Variants in ACTR3 observed in about 807,000 individuals in gnomAD.
The protein encoded by ACTR3 is actin-related protein 3.
Under a neutral mutation model 56.8 loss-of-function variants are expected in ACTR3, and 12 were observed. The ratio of observed to expected loss-of-function variants is 0.21; its 90% confidence interval spans 0.14 to 0.34. The LOEUF is 0.34. Ranked by LOEUF, ACTR3 falls within the 10% of genes least tolerant of loss-of-function variation. The pLI, the probability that ACTR3 is intolerant of heterozygous loss-of-function variation, is 1.00. For missense variants in ACTR3, 282 were observed against 512.5 expected (o/e 0.55, Z 4.34); for synonymous variants, 162 against 167.4 (o/e 0.97, Z 0.25).
At chr2:113,918,821 GAA>G (rs1427478899) in intron 3 of ACTR3, among the ~76,000 whole-genome samples, 11 of 152,210 alleles carry the variant, frequency 7.2e-5, no homozygotes, top group Non-Finnish European at 2.9e-5. Flanking sequence ...ACAATGAAGA[GAA>G]ATTATTTGGG....
At chr2:113,894,520 A>G (rs1287783906) in intron 1 of ACTR3, among the ~76,000 whole-genome samples, 3 of 152,248 alleles carry the variant, frequency 2.0e-5, no homozygotes, top group Non-Finnish European at 4.4e-5. Context: ...AAGTAAGTAC[A>G]ACAGACATGC....
chr2:113,890,823 G>A, intron 1 of ACTR3: 1 of 990,554 alleles, frequency 1.0e-6, no homozygotes, highest in South Asian at 4.5e-5. Context: ...CCCAGGGTGT[G>A]GGTGGGGAAA....
intron 4 of ACTR3, among the ~76,000 whole-genome samples, chr2:113,930,411 T>C (rs1017609900): frequency 6.6e-6 from 1 of 152,184 alleles, no homozygotes; most frequent in Non-Finnish European, 1.5e-5. Flanking sequence ...GTTTTATCAC[T>C]TTTTCCCTTT....
chr2:113,942,138 G>A (rs566276192), intron 7 of ACTR3, 48 bp from the exon 8 acceptor site: 1 of 1,420,356 alleles, frequency 7.0e-7, no homozygotes, highest in Non-Finnish European at 9.4e-7. Flanking sequence ...CTTCTTTACT[G>A]TTCCTATAAT....
At chr2:113,939,516 T>C (rs1196055534) in intron 6 of ACTR3, among the ~76,000 whole-genome samples, 3 of 152,332 alleles carry the variant, frequency 2.0e-5, no homozygotes, top group Admixed American at 6.5e-5. Context: ...AATTTAGTTA[T>C]TTGGCATTAT....
intron 1 of ACTR3, among the ~76,000 whole-genome samples, chr2:113,896,156 AGTTTT>A: frequency 6.6e-6 from 1 of 152,230 alleles, no homozygotes; most frequent in Admixed American, 6.5e-5. Flanking sequence ...CACCATGCCC[AGTTTT>A]GTTTTGTTTT....
intron 3 of ACTR3, among the ~76,000 whole-genome samples, chr2:113,923,305 C>T (rs7603501): frequency 0.18 from 26,627 of 149,000 alleles, 4,174 homozygotes; most frequent in African/African-American, 0.4. Flanking sequence ...TGGTTATCTT[C>T]CTAACATGGA....
At chr2:113,894,093 C>G (rs1678958592) in intron 1 of ACTR3, among the ~76,000 whole-genome samples, 1 of 143,924 alleles carries the variant, frequency 6.9e-6, no homozygotes, top group Admixed American at 7.0e-5. Context: ...AATGCTGTTT[C>G]TTTTTTTTTT....
chr2:113,910,474 G>A (rs1013391914), intron 1 of ACTR3, among the ~76,000 whole-genome samples: 3 of 152,136 alleles, frequency 2.0e-5, no homozygotes, highest in Non-Finnish European at 2.9e-5. Flanking sequence ...GAGGGAGTAT[G>A]GGAAACTCAT....
At chr2:113,955,888 C>T (rs1475569799) in intron 11 of ACTR3, among the ~76,000 whole-genome samples, 182 bp downstream of exon 11, 2 of 152,100 alleles carry the variant, frequency 1.3e-5, no homozygotes, top group Non-Finnish European at 2.9e-5. Flanking sequence ...GCTGGGACTA[C>T]AGGCATGCGT....
intron 8 of ACTR3, among the ~76,000 whole-genome samples, chr2:113,950,058 A>C (rs1458687223): frequency 6.6e-6 from 1 of 152,172 alleles, no homozygotes; most frequent in Non-Finnish European, 1.5e-5. Flanking sequence ...TGAGCTAGCT[A>C]TTGCTCCTAG....
chr2:113,892,190 T>TA (rs1678916959), intron 1 of ACTR3, among the ~76,000 whole-genome samples: 1 of 152,258 alleles, frequency 6.6e-6, no homozygotes, highest in African/African-American at 2.4e-5. Flanking sequence ...TTCATTGAGA[T>TA]AAACTGTCCT....
At chr2:113,909,641 G>T (rs1480888059) in intron 1 of ACTR3, among the ~76,000 whole-genome samples, 2 of 150,246 alleles carry the variant, frequency 1.3e-5, no homozygotes, top group Non-Finnish European at 3.0e-5. Context: ...TTTTGGGAGG[G>T]TGCAGTGTGA....
At chr2:113,945,227 A>G (rs2419081) in intron 8 of ACTR3, among the ~76,000 whole-genome samples, 58,804 of 152,100 alleles carry the variant, frequency 0.39, 15,677 homozygotes, top group African/African-American at 0.75. Context: ...TATACACACA[A>G]TTTTAAAGGT....
rs760389902 is a variant in ACTR3, at chr2:113,961,808, TGTTA to T, written c.*4357_*4360del. On this transcript the variant is annotated 3_prime_UTR_variant, in exon 12 of 12. Transcript: ENST00000263238. Reference sequence around the variant, plus strand: ...GAATTTCTCTTCATAAAAATGGTAGTGTTAGTTGTTTAGAGGGAGAAGTCCAGCT... The same window carrying T: ...GAATTTCTCTTCATAAAAATGGTAGTGTTGTTTAGAGGGAGAAGTCCAGCT... The T allele has an allele frequency of 7.2e-5, 11 of 151,930 alleles. No homozygotes were observed. The highest frequency in any genetic ancestry group is 2.1e-4 in the South Asian group (1 of 4,830). The allele number at this position is 151,930 out of a possible 1,614,324, so 9.4% of individuals were successfully genotyped here. A position where few individuals can be genotyped will look rare whatever the true frequency, so the allele number is the denominator to read the frequency against.
chr2:113,898,899 A>G (rs1679053317), intron 1 of ACTR3, among the ~76,000 whole-genome samples: 1 of 152,176 alleles, frequency 6.6e-6, no homozygotes, highest in South Asian at 2.1e-4. Flanking sequence ...TCCCATTTCA[A>G]AGATAAGTAG....
intron 6 of ACTR3, among the ~76,000 whole-genome samples, chr2:113,939,184 C>A (rs953895228): frequency 6.6e-6 from 1 of 151,674 alleles, no homozygotes; most frequent in South Asian, 2.1e-4. Flanking sequence ...CCACCATGCC[C>A]GGCTAATTTT....
chr2:113,939,725 ATTG>A (rs931242132), intron 6 of ACTR3, among the ~76,000 whole-genome samples: 80 of 152,212 alleles, frequency 5.3e-4, no homozygotes, highest in African/African-American at 1.9e-3. Context: ...TTATTTCTAT[ATTG>A]TTGAGTTATT....
chr2:113,940,220 A>T, intron 7 of ACTR3, 118 bp downstream of exon 7: 1 of 820,824 alleles, frequency 1.2e-6, no homozygotes, highest in Non-Finnish European at 1.8e-6. Context: ...ACCAGTTATA[A>T]ATTATTACCC....
Sources: gnomAD v4.1 joint callset for allele counts (sites outside exome capture counted in the v4.1 genomes callset) on GRCh38, gnomAD v4.1.1 for gene constraint, MANE v1.5 for transcripts, NCBI Gene and HGNC (gene_info 2026-07-23, HGNC 2026-07-21) for gene names.